RNF130: variants seen among roughly 807,000 people sequenced by gnomAD.
RNF130 encodes E3 ubiquitin-protein ligase RNF130.
RNF130 carries 21 observed loss-of-function variants against 44.6 expected under a neutral mutation model. That is an observed-to-expected ratio of 0.47 (90% CI 0.33 to 0.68). The LOEUF (loss-of-function observed/expected upper bound fraction) is 0.68. Ranked by LOEUF, RNF130 falls within the 30% of genes least tolerant of loss-of-function variation. The probability of loss-of-function intolerance (pLI) is 0.02; values close to 1 mark genes in which losing one functional copy is unlikely to be tolerated. For missense variants in RNF130, 479 were observed against 560.6 expected (o/e 0.85, Z 1.47); for synonymous variants, 214 against 210.4 (o/e 1.02, Z -0.15).
intron 7 of RNF130, among the ~76,000 whole-genome samples, chr5:179,929,105 T>C (rs1018893119): frequency 1.3e-5 from 2 of 152,196 alleles, no homozygotes; most frequent in Non-Finnish European, 2.9e-5. Context: ...ACCTTTTGCA[T>C]TTAGGTCTAT....
Position 179,966,866 on chromosome 5 carries a change from G to T in RNF130, c.1090C>A (p.Pro364Thr). ...GTGAGCTCCCCATCCTGAGGAAGAG[G>T]TGAGATCCCCGAAGTTCGAAGTGGC... ...LEPLRTSGIS[P>T]LPQDGELTPR... The change falls in exon 7 of 9, where the codon CCT becomes ACT. Residue 364 changes from proline (P) to threonine (T), a missense_variant. Physicochemically the swap from Pro to Thr is conservative, Grantham distance 38. This residue lies in a region of RNF130 where 161 missense variants were observed against 158.6 expected (regional missense o/e 1.02). Transcript: ENST00000521389. 6.2e-7 allele frequency: 1 copy of T among 1,614,216 alleles called. No homozygotes were observed. Among genetic ancestry groups the T allele is most frequent in the Non-Finnish European group, 8.5e-7 (1 of 1,180,048 alleles).
intron 2 of RNF130, among the ~76,000 whole-genome samples, chr5:180,036,947 TTATG>T (rs1764263130): frequency 6.6e-6 from 1 of 152,224 alleles, no homozygotes; most frequent in Non-Finnish European, 1.5e-5. Context: ...TTTCTTAATC[TTATG>T]TATGTTTTTC....
chr5:179,918,512 C>G (rs984744723), exon 8 of RNF130: 1 of 152,170 alleles, frequency 6.6e-6, no homozygotes, highest in African/African-American at 2.4e-5. Context: ...CAAACACATA[C>G]AAATGCAGAC....
chr5:180,054,624 C>T (rs1764764076), intron 1 of RNF130, among the ~76,000 whole-genome samples: 2 of 152,236 alleles, frequency 1.3e-5, no homozygotes, highest in Non-Finnish European at 2.9e-5. Context: ...CAGTACCACA[C>T]TGTCTTGTAG....
chr5:179,920,793 A>ATTTT (rs1478029401), intron 7 of RNF130, among the ~76,000 whole-genome samples: 1,524 of 137,256 alleles, frequency 0.011, 30 homozygotes, highest in African/African-American at 0.047. Context: ...ATATATATAT[A>ATTTT]TATTTTTTTT....
chr5:179,992,508 G>A (rs553496924), intron 3 of RNF130, among the ~76,000 whole-genome samples: 1 of 152,204 alleles, frequency 6.6e-6, no homozygotes, highest in African/African-American at 2.4e-5. Context: ...ATTTCCAGGA[G>A]TTGTCTGTTT....
chr5:179,937,312 C>A (rs1191436494), intron 7 of RNF130, among the ~76,000 whole-genome samples: 1 of 152,104 alleles, frequency 6.6e-6, no homozygotes, highest in Admixed American at 6.5e-5. Context: ...CTGATAAGGG[C>A]CTAGTATCTG....
chr5:180,006,496 T>A (rs964543914), intron 3 of RNF130, among the ~76,000 whole-genome samples: 2 of 152,200 alleles, frequency 1.3e-5, no homozygotes, highest in African/African-American at 2.4e-5. Flanking sequence ...GAGATACTTA[T>A]AAAGTCAAAG....
intron 2 of RNF130, among the ~76,000 whole-genome samples, chr5:180,021,645 T>C (rs901564120): frequency 1.3e-5 from 2 of 152,006 alleles, no homozygotes; most frequent in African/African-American, 2.4e-5. Flanking sequence ...ATTTAAAGAA[T>C]CTAAAACTTA....
In RNF130 at chr5:180,013,138, T is replaced by A. The variant is rs975456165; in HGVS notation, c.616A>T (p.Met206Leu). The A allele has an allele frequency of 6.2e-7, 1 of 1,613,984 alleles. No homozygotes were observed. Among genetic ancestry groups the A allele is most frequent in the Admixed American group, 1.7e-5 (1 of 59,996 alleles). Residue 206 changes from methionine to leucine, a missense_variant, in exon 3 of 9, where the codon ATG (methionine) becomes TTG (leucine). Physicochemically the swap from Met to Leu is conservative, Grantham distance 15 (BLOSUM62 2). This residue lies in a region of RNF130 where 180 missense variants were observed against 275.1 expected (regional missense o/e 0.65). Coordinates refer to ENST00000521389, the MANE Select transcript of RNF130 (RefSeq NM_018434.6). ...ATGAGCCATGCTGAAGAAATAATCA[T>A]CAAAACAATAAAGGATATTGACACG... ...VFVSISFIVL[M>L]IISSAWLIFY...
intron 7 of RNF130, among the ~76,000 whole-genome samples, chr5:179,937,820 A>C (rs543860940): frequency 1.1e-4 from 16 of 152,114 alleles, no homozygotes; most frequent in Non-Finnish European, 2.4e-4. Flanking sequence ...GGATGAGGAG[A>C]TGAACAAATT....
intron 7 of RNF130, among the ~76,000 whole-genome samples, chr5:179,944,319 A>G (rs915497599): frequency 1.8e-4 from 28 of 152,156 alleles, no homozygotes; most frequent in African/African-American, 6.3e-4. Context: ...TTTCCAATAA[A>G]TTAAATAACT....
chr5:180,034,545 T>A (rs1344312313), intron 2 of RNF130, among the ~76,000 whole-genome samples: 1 of 152,182 alleles, frequency 6.6e-6, no homozygotes, highest in Non-Finnish European at 1.5e-5. Context: ...AGATATGCTA[T>A]TTTTTCTTGA....
chr5:179,972,520 TG>T (rs1478255177), intron 5 of RNF130, among the ~76,000 whole-genome samples: 1 of 151,098 alleles, frequency 6.6e-6, no homozygotes, highest in African/African-American at 2.4e-5. Context: ...GGCATCCCGC[TG>T]GGGGTCGGGG....
chr5:179,968,062 G>A (rs1430556946), intron 6 of RNF130, among the ~76,000 whole-genome samples: 6 of 152,112 alleles, frequency 3.9e-5, no homozygotes, highest in African/African-American at 9.7e-5. Flanking sequence ...TTGGGAGGCC[G>A]AGGCGGGCAG....
rs369591772 is a variant in RNF130, at chr5:179,978,153, T to C, written c.848+50A>G. On this transcript the variant is annotated intron_variant, in intron 5 of 8. Coordinates refer to ENST00000521389, the MANE Select transcript of RNF130 (RefSeq NM_018434.6). Reference sequence around the variant, plus strand: ...AGATGCCCACCCTGAAAAGGAGGCATACAAAGCACATTAATATCATTCTTT... The same window carrying C: ...AGATGCCCACCCTGAAAAGGAGGCACACAAAGCACATTAATATCATTCTTT... The C allele has an allele frequency of 1.8e-5, 27 of 1,489,056 alleles. No individual in the cohort carries two copies. The African/African-American group carries it at 3.2e-4, about 18-fold the overall frequency. The allele number at this position is 1,489,056 out of a possible 1,614,324, so 92.2% of individuals were successfully genotyped here.
chr5:179,984,065 A>G (rs1297753239), intron 3 of RNF130, among the ~76,000 whole-genome samples: 1 of 152,140 alleles, frequency 6.6e-6, no homozygotes, highest in African/African-American at 2.4e-5. Flanking sequence ...ATTTTTTAAA[A>G]CCAATTCAAT....
chr5:179,978,143 A>G, intron 5 of RNF130, 60 bp downstream of exon 5: 1 of 1,413,214 alleles, frequency 7.1e-7, no homozygotes. Context: ...CCCACCCTGA[A>G]AAGGAGGCAT....
At chr5:180,071,406 C>G in intron 1 of RNF130, 50 bp downstream of exon 1, 2 of 1,229,404 alleles carry the variant, frequency 1.6e-6, no homozygotes. Context: ...GTCCCGCCGC[C>G]TACGCGGGAT....
Sources: gnomAD v4.1 joint callset for allele counts (sites outside exome capture counted in the v4.1 genomes callset) on GRCh38, gnomAD v4.1.1 for gene constraint, gnomAD v4.1.1 regional missense constraint, MANE v1.5 for transcripts, NCBI Gene and HGNC (gene_info 2026-07-23, HGNC 2026-07-21) for gene names.